The following FBXL20 variants were observed in gnomAD, a reference collection of about 807,000 sequenced individuals.
FBXL20 encodes the protein F-box and leucine rich repeat protein 20, also known as F-box/LRR-repeat protein 20.
A neutral mutation model predicts 64.0 loss-of-function variants in FBXL20; 11 were observed. The ratio of observed to expected loss-of-function variants is 0.17; its 90% CI spans 0.11 to 0.28. The LOEUF (loss-of-function observed/expected upper bound fraction) is 0.28, where lower values mean the gene tolerates loss of function less well. Ranked by LOEUF, FBXL20 falls within the 10% of genes least tolerant of loss-of-function variation. The pLI, the probability that FBXL20 is intolerant of heterozygous loss-of-function variation, is 1.00. For missense variants in FBXL20, 303 were observed against 526.2 expected (o/e 0.58, Z 4.15); for synonymous variants, 184 against 189.0 (o/e 0.97, Z 0.22).
At chr17:39,300,321 G>A (rs1194329270) in intron 4 of FBXL20, among the ~76,000 whole-genome samples, 1 of 152,036 alleles carries the variant, frequency 6.6e-6, no homozygotes, top group Non-Finnish European at 1.5e-5. Context: ...CATCCCACGT[G>A]CCCTCAAAAA....
At chr17:39,371,033 C>T (rs1007562703) in intron 1 of FBXL20, among the ~76,000 whole-genome samples, 1 of 151,774 alleles carries the variant, frequency 6.6e-6, no homozygotes, top group African/African-American at 2.4e-5. Context: ...AGCCTGACCA[C>T]CATGGAGAAA....
In FBXL20 at chr17:39,256,979, TTTTCTTTC is replaced by T. The variant is rs147068555; in HGVS notation, c.*4473_*4480del. 1 of 151,716 alleles carries T rather than the reference TTTTCTTTC, an allele frequency of 6.6e-6. No individual in the cohort carries two copies. The highest frequency in any genetic ancestry group is 1.5e-5 in the Non-Finnish European group (1 of 67,864). The allele number at this position is 151,716 out of a possible 1,614,324, so 9.4% of individuals were successfully genotyped here. The stretch of plus-strand genomic sequence containing the variant: ...CTATCAAACTAGTAACGATGCATTT[TTTTCTTTC>T]TTTCTTTCTTTTTTTTTGAGATAGT... On this transcript the variant is annotated 3_prime_UTR_variant, in exon 15 of 15. Transcript: ENST00000264658.
chr17:39,350,020 T>C (rs1019452389), intron 1 of FBXL20, among the ~76,000 whole-genome samples: 3 of 151,840 alleles, frequency 2.0e-5, no homozygotes, highest in African/African-American at 7.3e-5. Context: ...CTCAATCTAC[T>C]AGAACTATGT....
intron 1 of FBXL20, among the ~76,000 whole-genome samples, chr17:39,381,966 C>T (rs2048028012): frequency 7.1e-6 from 1 of 140,412 alleles, no homozygotes. Context: ...TGGTGGCACA[C>T]ACCTGTAGTC....
At chr17:39,363,716 TGA>T (rs1379151130) in intron 1 of FBXL20, among the ~76,000 whole-genome samples, 2 of 146,174 alleles carry the variant, frequency 1.4e-5, no homozygotes, top group East Asian at 4.0e-4. Flanking sequence ...GAGGAAGAGG[TGA>T]GAGGATTGCT....
intron 11 of FBXL20, among the ~76,000 whole-genome samples, chr17:39,270,267 G>T (rs1277623776): frequency 3.9e-5 from 6 of 152,118 alleles, no homozygotes; most frequent in Non-Finnish European, 1.5e-5. Flanking sequence ...CTCATGGGTG[G>T]GTGCAGTGGC....
At chr17:39,377,441 TC>T (rs1448711222) in intron 1 of FBXL20, among the ~76,000 whole-genome samples, 1 of 151,876 alleles carries the variant, frequency 6.6e-6, no homozygotes, top group African/African-American at 2.4e-5. Flanking sequence ...AACTCCCGTT[TC>T]CCGCACAGCT....
At chr17:39,330,388 CG>C (rs1467838077) in intron 2 of FBXL20, among the ~76,000 whole-genome samples, 4 of 151,936 alleles carry the variant, frequency 2.6e-5, no homozygotes, top group Non-Finnish European at 5.9e-5. Flanking sequence ...TTGAGGCAGG[CG>C]GATCACATGA....
chr17:39,283,037 C>T (rs1474854571), intron 7 of FBXL20, among the ~76,000 whole-genome samples, 182 bp from the exon 8 acceptor site: 5 of 152,146 alleles, frequency 3.3e-5, no homozygotes, highest in African/African-American at 1.2e-4. Context: ...GGGACTATAC[C>T]ATTAGCAGGA....
rs141259755 is a variant in FBXL20 at position 39,328,248 on chromosome 17, C to CAA, written c.104+14930_104+14931dup. 4.7e-3 allele frequency among the ~76,000 whole-genome samples: 259 copies of CAA among 55,100 alleles called. 16 individuals are homozygous for CAA. The highest frequency in any genetic ancestry group is 0.015 in the African/African-American group (140 of 9,596). 36.1% of individuals were successfully genotyped at this position (55,100 alleles called of 152,430 possible). On this transcript the variant is annotated intron_variant, in intron 2 of 14. Coordinates refer to ENST00000264658, the MANE Select transcript of FBXL20 (RefSeq NM_032875.3). Reference sequence around the variant, plus strand: ...TGGGCAACAGAGCGAAACTCTGCCTCAAAAAAAAAAAAAAAAAAAAAAAAA... The same window carrying CAA: ...TGGGCAACAGAGCGAAACTCTGCCTCAAAAAAAAAAAAAAAAAAAAAAAAAAA...
chr17:39,386,039 A>AC (rs1220574259), intron 1 of FBXL20, among the ~76,000 whole-genome samples: 1 of 145,144 alleles, frequency 6.9e-6, no homozygotes, highest in African/African-American at 2.6e-5. Flanking sequence ...AAAAAAAAAA[A>AC]AAAAAACACC....
At chr17:39,320,351 T>C (rs1284983349) in intron 2 of FBXL20, among the ~76,000 whole-genome samples, 1 of 152,160 alleles carries the variant, frequency 6.6e-6, no homozygotes, top group East Asian at 1.9e-4. Context: ...TGGATCTCTA[T>C]TTGATCATAC....
At chr17:39,346,811 T>G (rs969302550) in intron 1 of FBXL20, among the ~76,000 whole-genome samples, 34 of 151,950 alleles carry the variant, frequency 2.2e-4, no homozygotes, top group African/African-American at 8.2e-4. Context: ...TCATTTACAT[T>G]AGGTATATCT....
chr17:39,363,991 G>T (rs1229149463), intron 1 of FBXL20, among the ~76,000 whole-genome samples: 1 of 146,324 alleles, frequency 6.8e-6, no homozygotes, highest in Non-Finnish European at 1.5e-5. Context: ...CTGGGTTCAA[G>T]CAATTTTCGT....
chr17:39,281,258 GTTTAC>G (rs536413059), intron 9 of FBXL20, 126 bp downstream of exon 9: 475 of 761,410 alleles, frequency 6.2e-4, no homozygotes, highest in Middle Eastern at 1.4e-3. Context: ...TCATCTGTGT[GTTTAC>G]TTTGTCACTA....
chr17:39,316,534 G>A (rs948764836), intron 2 of FBXL20, among the ~76,000 whole-genome samples: 1 of 152,168 alleles, frequency 6.6e-6, no homozygotes, highest in Non-Finnish European at 1.5e-5. Flanking sequence ...ATGGGGACAC[G>A]TCAAAAAGTC....
intron 2 of FBXL20, among the ~76,000 whole-genome samples, chr17:39,320,965 C>T (rs8066704): frequency 0.37 from 56,441 of 151,930 alleles, 13,213 homozygotes; most frequent in African/African-American, 0.66. Flanking sequence ...TAATAAAAAT[C>T]TTTATTTCAT....
At chr17:39,350,535 AC>A (rs577806231) in intron 1 of FBXL20, among the ~76,000 whole-genome samples, 31 of 150,984 alleles carry the variant, frequency 2.1e-4, no homozygotes, top group African/African-American at 5.4e-4. Context: ...AAAAAAAAAA[AC>A]ATAGCTAATT....
rs546936706 is a variant in FBXL20, at chr17:39,300,891, A to C, written c.234+110T>G. On this transcript the variant is annotated intron_variant, in intron 4 of 14. Transcript: ENST00000264658. Reference sequence around the variant, plus strand: ...TCCTGTAAAGTTCAGATGCACTGAAAATAATAGTTCCTCTCTTTAACGAAA... The same window carrying C: ...TCCTGTAAAGTTCAGATGCACTGAACATAATAGTTCCTCTCTTTAACGAAA... 1.1e-5 allele frequency: 11 copies of C among 1,040,366 alleles called. No homozygotes were observed. The South Asian group carries it at 1.8e-4, about 17-fold the overall frequency. 64.4% of individuals were successfully genotyped at this position (1,040,366 alleles called of 1,614,324 possible).
Sources: allele counts gnomAD v4.1 joint callset (sites outside exome capture counted in the v4.1 genomes callset), GRCh38; gene constraint gnomAD v4.1.1; transcripts MANE v1.5; gene names NCBI Gene and HGNC (gene_info 2026-07-23, HGNC 2026-07-21).